DDR2: variants seen among roughly 807,000 people sequenced by gnomAD.
DDR2 encodes discoidin domain receptor tyrosine kinase 2.
Under a neutral mutation model 94.9 loss-of-function variants are expected in DDR2, and 27 were observed. The ratio of observed to expected loss-of-function variants is 0.28; its 90% CI spans 0.21 to 0.39. DDR2 has a LOEUF of 0.39. DDR2 is among the 10% of genes least tolerant of loss of function. DDR2 has a pLI of 1.00. For synonymous variants in DDR2, 382 were observed against 377.2 expected (o/e 1.01, Z -0.15); for missense variants, 783 against 1,076.0 (o/e 0.73, Z 3.81).
rs73024545 is a variant in DDR2 at position 162,708,159 on chromosome 1, G to C, written c.-27-10878G>C. 9.1e-3 allele frequency among the ~76,000 whole-genome samples: 1,384 copies of C among 152,272 alleles called. 17 individuals are homozygous for C. The highest frequency in any genetic ancestry group is 0.035 in the East Asian group (181 of 5,166). On this transcript the variant is annotated intron_variant, in intron 2 of 17. Coordinates refer to ENST00000367921, the MANE Select transcript of DDR2 (RefSeq NM_006182.4). Reference sequence around the variant, plus strand: ...GAGTATGTTAAGGGAAAGACACTAAGATTGCTCTGCCAAAAGGGCAGACAG... The same window carrying C: ...GAGTATGTTAAGGGAAAGACACTAACATTGCTCTGCCAAAAGGGCAGACAG...
At chr1:162,657,285 G>T (rs989949873) in intron 2 of DDR2, among the ~76,000 whole-genome samples, 12 of 152,018 alleles carry the variant, frequency 7.9e-5, no homozygotes, top group Admixed American at 2.6e-4. Context: ...CAAACACCTT[G>T]GCTCCTCCAG....
chr1:162,651,281 C>T (rs1398129012), intron 1 of DDR2, among the ~76,000 whole-genome samples: 2 of 152,186 alleles, frequency 1.3e-5, no homozygotes, highest in Non-Finnish European at 2.9e-5. Flanking sequence ...CAGCTTCCAG[C>T]TTTGTCTTCG....
At chr1:162,657,669 T>TG (rs1054072607) in intron 2 of DDR2, among the ~76,000 whole-genome samples, 1 of 152,092 alleles carries the variant, frequency 6.6e-6, no homozygotes, top group African/African-American at 2.4e-5. Context: ...TAACAAGCTG[T>TG]GGGGGGCCTG....
In DDR2 at chr1:162,652,389, G is replaced by A. The variant is rs145612207; in HGVS notation, c.-191-2822G>A. ...CCTGGCCTGGTGGGGAGGAATGTAG[G>A]AAAGCAGACTCGTGCTTCTCATCTT... is the stretch of plus-strand genomic sequence containing the variant. On this transcript the variant is annotated intron_variant, in intron 1 of 17. Transcript: ENST00000367921. 3.0e-3 allele frequency among the ~76,000 whole-genome samples: 456 copies of A among 152,300 alleles called. 1 individual carries two copies. The highest frequency in any genetic ancestry group is 0.01 in the African/African-American group (422 of 41,562).
At chr1:162,659,601 T>C (rs1405945769) in intron 2 of DDR2, among the ~76,000 whole-genome samples, 1 of 152,198 alleles carries the variant, frequency 6.6e-6, no homozygotes, top group Non-Finnish European at 1.5e-5. Flanking sequence ...CTGGACAGTC[T>C]GGACACCATT....
intron 12 of DDR2, among the ~76,000 whole-genome samples, chr1:162,771,198 A>G (rs1405557030): frequency 6.6e-6 from 1 of 152,226 alleles, no homozygotes. Context: ...GTCATATCAG[A>G]AGGGAAGCTG....
intron 2 of DDR2, among the ~76,000 whole-genome samples, chr1:162,676,373 T>C (rs1296788743): frequency 2.0e-5 from 3 of 152,176 alleles, no homozygotes; most frequent in African/African-American, 7.2e-5. Context: ...TCTACAACAA[T>C]TGTTACACCA....
In DDR2 at chr1:162,643,251, G is replaced by A. The variant is rs543473138; in HGVS notation, c.-192+10620G>A. Among the ~76,000 whole-genome samples, 7 of 152,184 alleles carry A rather than the reference G, an allele frequency of 4.6e-5. No homozygotes were observed. The South Asian group carries it at 1.2e-3, about 27-fold the overall frequency. On this transcript the variant is annotated intron_variant, in intron 1 of 17. Coordinates refer to ENST00000367921, the MANE Select transcript of DDR2 (RefSeq NM_006182.4). ...GCTACACTGTGCCTTTCCCTGAGCT[G>A]TAGAAAGTTCCACCTCTAGGTTTCC... is the stretch of plus-strand genomic sequence containing the variant.
At chr1:162,749,697 C>A (rs1663079849) in intron 3 of DDR2, among the ~76,000 whole-genome samples, 1 of 152,084 alleles carries the variant, frequency 6.6e-6, no homozygotes, top group African/African-American at 2.4e-5. Flanking sequence ...AGCAGAGACA[C>A]AACAACAACA....
chr1:162,643,750 G>A (rs1049403878), intron 1 of DDR2, among the ~76,000 whole-genome samples: 10 of 152,112 alleles, frequency 6.6e-5, no homozygotes, highest in Admixed American at 2.6e-4. Flanking sequence ...CAAAGTGCTG[G>A]GATTACAGGT....
rs889066941 is a variant in DDR2, at chr1:162,686,652, A to G, written c.-28+31278A>G. On this transcript the variant is annotated intron_variant, in intron 2 of 17. Transcript: ENST00000367921. ...TTTGGGTTGATTCCAAGTTTTTGCT[A>G]TTGTAAATAGTGCTGCAGTAAACAT... Among the ~76,000 whole-genome samples, 6 of 152,170 alleles carry G rather than the reference A, an allele frequency of 3.9e-5. No homozygotes were observed. In the East Asian group the frequency reaches 9.6e-4, roughly 24 times the overall value.
At chr1:162,668,273 T>C (rs986208322) in intron 2 of DDR2, among the ~76,000 whole-genome samples, 3 of 152,174 alleles carry the variant, frequency 2.0e-5, no homozygotes, top group African/African-American at 4.8e-5. Context: ...GGCTAATTCT[T>C]TGATGTGAAA....
chr1:162,701,419 A>G (rs1003781699), intron 2 of DDR2, among the ~76,000 whole-genome samples: 1 of 152,224 alleles, frequency 6.6e-6, no homozygotes, highest in Non-Finnish European at 1.5e-5. Context: ...ATAGGCTTAC[A>G]AGCCATATGG....
intron 3 of DDR2, among the ~76,000 whole-genome samples, chr1:162,749,437 C>G (rs981142276): frequency 6.6e-6 from 1 of 151,964 alleles, no homozygotes; most frequent in Non-Finnish European, 1.5e-5. Context: ...ACATATACAC[C>G]CTCCCAAGAC....
chr1:162,779,580 G>T (rs929903563), intron 17 of DDR2, among the ~76,000 whole-genome samples: 12 of 152,196 alleles, frequency 7.9e-5, no homozygotes, highest in South Asian at 4.2e-4. Flanking sequence ...AATAAGAGAG[G>T]GGTCTGAGAA....
At chr1:162,758,797 C>A (rs142854165) in intron 7 of DDR2, among the ~76,000 whole-genome samples, 2 of 152,040 alleles carry the variant, frequency 1.3e-5, no homozygotes, top group Admixed American at 1.3e-4. Flanking sequence ...AGGGTCACAC[C>A]AATTATTGCT....
chr1:162,692,911 T>C (rs1317554828), intron 2 of DDR2, among the ~76,000 whole-genome samples: 1 of 152,166 alleles, frequency 6.6e-6, no homozygotes. Context: ...TGGCTCCAAA[T>C]TGGAAATACC....
chr1:162,715,895 TGCTTTTGGAGATTCGCA>T (rs1354420661), intron 2 of DDR2, among the ~76,000 whole-genome samples: 1 of 152,198 alleles, frequency 6.6e-6, no homozygotes, highest in East Asian at 1.9e-4. Flanking sequence ...AAATAATTAT[TGCTTTTGGAGATTCGCA>T]GCTTGAAGCC....
At chr1:162,717,787 A>G (rs149069346) in intron 2 of DDR2, among the ~76,000 whole-genome samples, 1 of 152,306 alleles carries the variant, frequency 6.6e-6, no homozygotes. Flanking sequence ...AAGAACACAT[A>G]CTATCAATAT....
Sources: allele counts gnomAD v4.1 joint callset (sites outside exome capture counted in the v4.1 genomes callset), GRCh38; gene constraint gnomAD v4.1.1; transcripts MANE v1.5; gene names NCBI Gene and HGNC (gene_info 2026-07-23, HGNC 2026-07-21).